The following LYPD6B variants were observed in gnomAD, a reference collection of about 807,000 sequenced individuals.
LYPD6B encodes ly6/PLAUR domain-containing protein 6B.
In LYPD6B, 17 loss-of-function variants were observed where a neutral mutation model predicts 22.8. The ratio of observed to expected loss-of-function variants is 0.75; its 90% CI spans 0.51 to 1.12. The LOEUF (loss-of-function observed/expected upper bound fraction) is 1.12. Among genes scored for constraint, LYPD6B ranks in the 50% most tolerant of loss-of-function variants. The pLI, the probability that LYPD6B is intolerant of heterozygous loss-of-function variation, is 0.00. For synonymous variants in LYPD6B, 106 were observed against 91.6 expected (o/e 1.16, Z -0.90); for missense variants, 221 against 258.3 (o/e 0.86, Z 0.99).
At chr2:149,068,358 T>A (rs1684438312) in intron 1 of LYPD6B, among the ~76,000 whole-genome samples, 1 of 152,174 alleles carries the variant, frequency 6.6e-6, no homozygotes, top group African/African-American at 2.4e-5. Context: ...TGATACAACT[T>A]ACCATTGAGA....
chr2:149,203,627 A>G (rs913626964), intron 3 of LYPD6B, among the ~76,000 whole-genome samples: 1 of 152,226 alleles, frequency 6.6e-6, no homozygotes, highest in African/African-American at 2.4e-5. Flanking sequence ...ATATATTTGT[A>G]TATATCACTA....
chr2:149,125,192 A>C (rs1190788414), intron 1 of LYPD6B, among the ~76,000 whole-genome samples: 1 of 152,156 alleles, frequency 6.6e-6, no homozygotes, highest in African/African-American at 2.4e-5. Context: ...CCTCCCAGTC[A>C]GTGCTGTAAC....
chr2:149,139,414 T>G (rs1688555036), intron 2 of LYPD6B, among the ~76,000 whole-genome samples: 1 of 152,204 alleles, frequency 6.6e-6, no homozygotes, highest in African/African-American at 2.4e-5. Context: ...AGATATAATC[T>G]GCCGCTTCAT....
At chr2:149,137,407 A>T (rs995853907) in intron 2 of LYPD6B, among the ~76,000 whole-genome samples, 1 of 152,208 alleles carries the variant, frequency 6.6e-6, no homozygotes, top group Non-Finnish European at 1.5e-5. Context: ...TGGCTTATCT[A>T]TGCATAAGAA....
rs1682948647 is a variant in LYPD6B, at chr2:149,039,107, GGGCCAGTGACTTC to G, written c.-67+310_-67+322del. Among the ~76,000 whole-genome samples, 5 of 152,248 alleles carry G rather than the reference GGGCCAGTGACTTC, an allele frequency of 3.3e-5. No homozygotes were observed. The South Asian group carries it at 1.0e-3, about 32-fold the overall frequency. On this transcript the variant is annotated intron_variant, in intron 1 of 6. Coordinates refer to ENST00000409642, the MANE Select transcript of LYPD6B (RefSeq NM_177964.5). ...GTCTCTAATCGTCCAGAGCCCTGCG[GGGCCAGTGACTTC>G]GGCAGAGCCGAGGGGAGAGGAGATA...
chr2:149,195,400 GA>G (rs1692745863), intron 3 of LYPD6B, among the ~76,000 whole-genome samples: 1 of 152,180 alleles, frequency 6.6e-6, no homozygotes, highest in Non-Finnish European at 1.5e-5. Flanking sequence ...ATAAAACAAT[GA>G]TACGAATGAA....
intron 3 of LYPD6B, among the ~76,000 whole-genome samples, chr2:149,192,954 C>A (rs185731850): frequency 6.6e-6 from 1 of 152,062 alleles, no homozygotes; most frequent in East Asian, 1.9e-4. Context: ...AGTGATGAGC[C>A]CTGAAGTACA....
At chr2:149,127,478 G>A (rs889186318) in intron 1 of LYPD6B, among the ~76,000 whole-genome samples, 2 of 152,158 alleles carry the variant, frequency 1.3e-5, no homozygotes, top group African/African-American at 4.8e-5. Flanking sequence ...GGGTCCCAGC[G>A]CTCAGTCTCT....
intron 2 of LYPD6B, among the ~76,000 whole-genome samples, chr2:149,148,635 C>T (rs1689179585): frequency 6.6e-6 from 1 of 152,148 alleles, no homozygotes; most frequent in African/African-American, 2.4e-5. Flanking sequence ...CAGAAATGGC[C>T]AGCCCTTTTG....
At chr2:149,153,932 A>G (rs1037052278) in intron 2 of LYPD6B, 1 of 188,940 alleles carries the variant, frequency 5.3e-6, no homozygotes, top group Non-Finnish European at 9.8e-6. Flanking sequence ...ACTGTGGATT[A>G]TGGAATTTAT....
At chr2:149,093,922 T>A (rs1385163474) in intron 1 of LYPD6B, among the ~76,000 whole-genome samples, 1 of 152,216 alleles carries the variant, frequency 6.6e-6, no homozygotes, top group Non-Finnish European at 1.5e-5. Flanking sequence ...ACTTTGAAAC[T>A]CCTTTACATC....
intron 1 of LYPD6B, among the ~76,000 whole-genome samples, chr2:149,055,245 A>C (rs76510812): frequency 0.011 from 1,708 of 152,242 alleles, 21 homozygotes; most frequent in Middle Eastern, 0.044. Flanking sequence ...TATTCCATTG[A>C]TTTGTGCATC....
At chr2:149,064,835 C>G (rs906454811) in intron 1 of LYPD6B, among the ~76,000 whole-genome samples, 1 of 152,164 alleles carries the variant, frequency 6.6e-6, no homozygotes. Flanking sequence ...CTGCCTGGAA[C>G]GTGGAGGCCT....
chr2:149,175,807 C>G (rs897755496), intron 3 of LYPD6B, among the ~76,000 whole-genome samples: 30 of 150,842 alleles, frequency 2.0e-4, no homozygotes, highest in Non-Finnish European at 1.5e-4. Context: ...GGGTCAGGAT[C>G]ATCAATATCA....
At chr2:149,123,873 A>AC (rs1176211611) in intron 1 of LYPD6B, among the ~76,000 whole-genome samples, 1 of 152,216 alleles carries the variant, frequency 6.6e-6, no homozygotes, top group East Asian at 1.9e-4. Context: ...ATACATACAT[A>AC]AATAATAATT....
At chr2:149,059,873 A>G (rs1471275085) in intron 1 of LYPD6B, among the ~76,000 whole-genome samples, 1 of 152,212 alleles carries the variant, frequency 6.6e-6, no homozygotes, top group Non-Finnish European at 1.5e-5. Flanking sequence ...TGGTTCCTTC[A>G]GAAGTTTTCC....
intron 3 of LYPD6B, among the ~76,000 whole-genome samples, chr2:149,173,815 T>G (rs959337600): frequency 2.6e-5 from 4 of 152,232 alleles, no homozygotes; most frequent in African/African-American, 9.6e-5. Context: ...AATCTACACC[T>G]TTATTTATTA....
chr2:149,091,967 A>T (rs1309180931), intron 1 of LYPD6B, among the ~76,000 whole-genome samples: 1 of 144,004 alleles, frequency 6.9e-6, no homozygotes, highest in South Asian at 2.5e-4. Flanking sequence ...GCTGCTGGTG[A>T]TAGTTCTTGT....
intron 2 of LYPD6B, among the ~76,000 whole-genome samples, chr2:149,147,454 G>C (rs908862894): frequency 1.3e-5 from 2 of 152,132 alleles, no homozygotes; most frequent in African/African-American, 4.8e-5. Flanking sequence ...ACTACCTCCA[G>C]TCAGATCATA....
Sources: gnomAD v4.1 joint callset for allele counts (sites outside exome capture counted in the v4.1 genomes callset) on GRCh38, gnomAD v4.1.1 for gene constraint, MANE v1.5 for transcripts, NCBI Gene and HGNC (gene_info 2026-07-23, HGNC 2026-07-21) for gene names.